FER: variants seen among roughly 807,000 people sequenced by gnomAD.
The protein encoded by FER is FER tyrosine kinase.
A neutral mutation model predicts 111.0 loss-of-function variants in FER; 63 were observed. That is an observed-to-expected ratio of 0.57 (90% CI 0.46 to 0.70). The LOEUF is 0.70. FER is among the 30% of genes least tolerant of loss of function. The probability of loss-of-function intolerance (pLI) is 0.00; values close to 1 mark genes in which losing one functional copy is unlikely to be tolerated. For missense variants in FER, 914 were observed against 954.0 expected (o/e 0.96, Z 0.55); for synonymous variants, 327 against 313.9 (o/e 1.04, Z -0.44).
chr5:108,832,527 C>T (rs1431216441), intron 3 of FER, among the ~76,000 whole-genome samples: 6 of 152,038 alleles, frequency 3.9e-5, no homozygotes, highest in African/African-American at 4.8e-5. Flanking sequence ...TAAAGAGTCC[C>T]GTAATCTTTT....
chr5:109,139,409 G>T (rs1489710229), intron 17 of FER, among the ~76,000 whole-genome samples: 1 of 146,342 alleles, frequency 6.8e-6, no homozygotes, highest in African/African-American at 2.5e-5. Flanking sequence ...GGAGTGCAGT[G>T]GTGCGATCTC....
chr5:109,154,771 G>T (rs1755192296), intron 17 of FER, among the ~76,000 whole-genome samples: 1 of 151,768 alleles, frequency 6.6e-6, no homozygotes, highest in Admixed American at 6.6e-5. Context: ...ATGAAAAAAT[G>T]ACTCATTTGG....
At chr5:108,793,664 C>T (rs1475547500) in intron 2 of FER, among the ~76,000 whole-genome samples, 1 of 152,082 alleles carries the variant, frequency 6.6e-6, no homozygotes, top group Non-Finnish European at 1.5e-5. Flanking sequence ...TCTCTCTTTT[C>T]TACATCCTTA....
At chr5:109,003,108 C>T (rs1359807511) in intron 13 of FER, among the ~76,000 whole-genome samples, 1 of 152,140 alleles carries the variant, frequency 6.6e-6, no homozygotes, top group Non-Finnish European at 1.5e-5. Flanking sequence ...CCAGCCATCC[C>T]ATTACTGGGT....
intron 17 of FER, among the ~76,000 whole-genome samples, chr5:109,101,090 G>A (rs1464241587): frequency 2.0e-5 from 3 of 151,912 alleles, no homozygotes; most frequent in Non-Finnish European, 4.4e-5. Context: ...TGTTCTGATT[G>A]TATGTAGTGA....
In FER at chr5:109,051,340, C is replaced by G. The variant is rs1196635902; in HGVS notation, c.1924+4142C>G. ...GATCTCCAGGTCATCAGGCTGAGGCCTGCTGCTGGCACGACTGCTGGCTCT... is the reference window on the plus strand; with the variant it reads ...GATCTCCAGGTCATCAGGCTGAGGCGTGCTGCTGGCACGACTGCTGGCTCT... On this transcript the variant is annotated intron_variant, in intron 16 of 19. Coordinates refer to ENST00000281092, the MANE Select transcript of FER (RefSeq NM_005246.4). 4 of 1,607,348 alleles carry G rather than the reference C, an allele frequency of 2.5e-6. No homozygotes were observed. The East Asian group carries it at 8.9e-5, about 36-fold the overall frequency.
chr5:109,084,277 A>T (rs114276591), intron 16 of FER, among the ~76,000 whole-genome samples: 1 of 151,986 alleles, frequency 6.6e-6, no homozygotes, highest in Admixed American at 6.6e-5. Context: ...TTATTGCCAC[A>T]CATACATCTT....
At chr5:108,770,918 C>G (rs1752826571) in intron 2 of FER, among the ~76,000 whole-genome samples, 1 of 138,084 alleles carries the variant, frequency 7.2e-6, no homozygotes, top group Non-Finnish European at 1.6e-5. Flanking sequence ...GTAGTCCTAC[C>G]TTTCATTTTT....
chr5:108,895,216 G>A (rs28611371), intron 9 of FER, among the ~76,000 whole-genome samples: 2 of 151,870 alleles, frequency 1.3e-5, no homozygotes, highest in African/African-American at 2.4e-5. Context: ...ACTTGAAATC[G>A]TTTTTTCAAA....
intron 10 of FER, among the ~76,000 whole-genome samples, chr5:108,911,451 G>A (rs1409364973): frequency 6.6e-6 from 1 of 151,936 alleles, no homozygotes; most frequent in Non-Finnish European, 1.5e-5. Flanking sequence ...TTATTTTGAT[G>A]TATAAAAACT....
chr5:109,036,827 C>G (rs985949542), intron 13 of FER, among the ~76,000 whole-genome samples: 6 of 151,898 alleles, frequency 4.0e-5, no homozygotes, highest in African/African-American at 1.2e-4. Context: ...ATGGGATGCT[C>G]TCTTTCAATG....
chr5:108,872,035 AAGAT>A lies in FER; in HGVS notation c.804-56_804-53del. On this transcript the variant is annotated intron_variant, in intron 7 of 19. Coordinates refer to ENST00000281092, the MANE Select transcript of FER (RefSeq NM_005246.4). ...AAATATTCTGCCTTTAGTGTATATG[AAGAT>A]ATATTATGATACTGTATTTACAATG... 3 of 1,512,876 alleles carry A rather than the reference AAGAT, an allele frequency of 2.0e-6. No individual in the cohort carries two copies. In the South Asian group the frequency reaches 3.8e-5, roughly 19 times the overall value. The allele number at this position is 1,512,876 out of a possible 1,614,324, so 93.7% of individuals were successfully genotyped here.
chr5:109,026,976 G>C (rs1020618137), intron 13 of FER, among the ~76,000 whole-genome samples: 2 of 152,124 alleles, frequency 1.3e-5, no homozygotes, highest in Non-Finnish European at 2.9e-5. Context: ...ACCACACCCG[G>C]CTAATTATTC....
intron 17 of FER, among the ~76,000 whole-genome samples, chr5:109,146,145 A>G (rs530831607): frequency 4.4e-4 from 64 of 145,324 alleles, no homozygotes; most frequent in Non-Finnish European, 8.0e-4. Context: ...AACAACAGAG[A>G]GGGGGACTGA....
At chr5:109,136,332 G>C (rs72796588) in intron 17 of FER, among the ~76,000 whole-genome samples, 2 of 151,782 alleles carry the variant, frequency 1.3e-5, no homozygotes, top group African/African-American at 4.8e-5. Flanking sequence ...AATAAAAAAA[G>C]GATTGAACAG....
intron 10 of FER, among the ~76,000 whole-genome samples, chr5:108,917,153 C>T (rs767476188): frequency 4.6e-5 from 7 of 152,024 alleles, no homozygotes; most frequent in East Asian, 3.9e-4. Flanking sequence ...TATGTAGATA[C>T]GTTGATTTTG....
rs984455560 is a variant in FER, at chr5:109,037,351, C to G, written c.1657-71C>G. 57 of 1,324,236 alleles carry G rather than the reference C, an allele frequency of 4.3e-5. No individual in the cohort carries two copies. In the Admixed American group the frequency reaches 7.6e-4, roughly 18 times the overall value. 82.0% of individuals were successfully genotyped at this position (1,324,236 alleles called of 1,614,324 possible). A position where few individuals can be genotyped will look rare whatever the true frequency, so the allele number is the denominator to read the frequency against. ...AATATCCCTTTAGGTCGACTTTCCA[C>G]TGGCTCAAATGCAACTTCAAGAAGT... On this transcript the variant is annotated intron_variant, in intron 13 of 19. Transcript: ENST00000281092.
Position 109,051,883 on chromosome 5 carries a change from G to A in FER, c.1924+4685G>A. The A allele has an allele frequency of 7.1e-6, 11 of 1,555,694 alleles. No homozygotes were observed. In the Middle Eastern group the frequency reaches 5.0e-4, roughly 71 times the overall value. On this transcript the variant is annotated intron_variant, in intron 16 of 19. Coordinates refer to ENST00000281092, the MANE Select transcript of FER (RefSeq NM_005246.4). ...AGAGAGGAAGCAGTCCACCTGATGTGGGCAGGGATCTCTTTTGCAAGTGTG... is the reference window on the plus strand; with the variant it reads ...AGAGAGGAAGCAGTCCACCTGATGTAGGCAGGGATCTCTTTTGCAAGTGTG...
chr5:109,023,662 CT>C (rs202160689), intron 13 of FER, among the ~76,000 whole-genome samples: 26,383 of 148,132 alleles, frequency 0.18, 2,515 homozygotes, highest in Non-Finnish European at 0.22. Flanking sequence ...TTTTTTGTAA[CT>C]TTTTTTTTTT....
Sources: allele counts gnomAD v4.1 joint callset (sites outside exome capture counted in the v4.1 genomes callset), GRCh38; gene constraint gnomAD v4.1.1; transcripts MANE v1.5; gene names NCBI Gene and HGNC (gene_info 2026-07-23, HGNC 2026-07-21).